The following FGF12 variants were observed in gnomAD, a reference collection of about 807,000 sequenced individuals.
FGF12 encodes the protein fibroblast growth factor 12B.
Under a neutral mutation model 23.6 loss-of-function variants are expected in FGF12, and 14 were observed. The ratio of observed to expected loss-of-function variants is 0.59; its 90% CI spans 0.39 to 0.93. The LOEUF (loss-of-function observed/expected upper bound fraction) is 0.93. Among genes scored for constraint, FGF12 ranks in the 40% least tolerant of loss-of-function variants. The probability of loss-of-function intolerance (pLI) is 0.00; values close to 1 mark genes in which losing one functional copy is unlikely to be tolerated. For missense variants in FGF12, 175 were observed against 217.8 expected (o/e 0.80, Z 1.24); for synonymous variants, 62 against 77.3 (o/e 0.80, Z 1.04).
At chr3:192,489,571 G>A (rs1346646646) in intron 2 of FGF12, among the ~76,000 whole-genome samples, 6 of 152,034 alleles carry the variant, frequency 3.9e-5, no homozygotes, top group East Asian at 1.9e-4. Flanking sequence ...ACCTACTTTC[G>A]GTAATTAGAC....
intron 2 of FGF12, among the ~76,000 whole-genome samples, chr3:192,681,106 T>C (rs1171590459): frequency 1.3e-5 from 2 of 152,204 alleles, no homozygotes; most frequent in Non-Finnish European, 2.9e-5. Context: ...CCTGGCTCAA[T>C]ATAATATAGA....
At chr3:192,570,557 C>T (rs1001088516) in intron 2 of FGF12, among the ~76,000 whole-genome samples, 2 of 152,102 alleles carry the variant, frequency 1.3e-5, no homozygotes, top group African/African-American at 4.8e-5. Flanking sequence ...CTGGAAGTTT[C>T]CCCAAATTTG....
At chr3:192,415,269 G>A (rs2108780642) in intron 2 of FGF12, among the ~76,000 whole-genome samples, 1 of 152,072 alleles carries the variant, frequency 6.6e-6, no homozygotes, top group South Asian at 2.1e-4. Flanking sequence ...CTAACCCAGT[G>A]GCACCTTTTC....
Position 192,573,084 on chromosome 3 carries a change from G to C in FGF12, c.13+154097C>G, listed in dbSNP as rs184527489. ...GTAATGAGCAAAACTTTATACTAAA[G>C]AGTCTCATTCTATATTCAGTGGTCA... On this transcript the variant is annotated intron_variant, in intron 2 of 5. Transcript: ENST00000445105. Among the ~76,000 whole-genome samples the C allele has an allele frequency of 2.0e-5, 3 of 152,238 alleles. No individual in the cohort carries two copies. The East Asian group carries it at 5.8e-4, about 29-fold the overall frequency.
chr3:192,474,365 A>G lies in FGF12; in HGVS notation c.14-113827T>C, dbSNP rs200749276. Among the ~76,000 whole-genome samples, 13 of 152,314 alleles carry G rather than the reference A, an allele frequency of 8.5e-5. No individual in the cohort carries two copies. The East Asian group carries it at 2.5e-3, about 29-fold the overall frequency. ...AGTAATTCTTCTAAGGCTTTTAATC[A>G]TAGGACACTGGCTTCCCAGACCACA... On this transcript the variant is annotated intron_variant, in intron 2 of 5. Coordinates refer to ENST00000445105, the MANE Select transcript of FGF12 (RefSeq NM_004113.6).
chr3:192,569,627 C>T (rs763801443), intron 2 of FGF12, among the ~76,000 whole-genome samples: 6 of 152,162 alleles, frequency 3.9e-5, no homozygotes, highest in Non-Finnish European at 8.8e-5. Context: ...TAAGATTTAT[C>T]GCAGGTAGCC....
At chr3:192,150,908 G>A (rs1259009468) in intron 5 of FGF12, among the ~76,000 whole-genome samples, 3 of 141,662 alleles carry the variant, frequency 2.1e-5, no homozygotes, top group Non-Finnish European at 4.7e-5. Flanking sequence ...ACCTTGGGCA[G>A]TATGGCCATT....
chr3:192,444,885 C>T (rs888290202), intron 2 of FGF12, among the ~76,000 whole-genome samples: 3 of 152,156 alleles, frequency 2.0e-5, no homozygotes, highest in Non-Finnish European at 4.4e-5. Flanking sequence ...AATATCTGTA[C>T]GGTGAATCCG....
At chr3:192,534,360 A>G (rs115777507) in intron 2 of FGF12, among the ~76,000 whole-genome samples, 1 of 152,072 alleles carries the variant, frequency 6.6e-6, no homozygotes, top group African/African-American at 2.4e-5. Context: ...TCATATTTCT[A>G]TCACTTCCAG....
intron 4 of FGF12, among the ~76,000 whole-genome samples, chr3:192,257,190 T>C (rs1712451443): frequency 6.6e-6 from 1 of 152,174 alleles, no homozygotes; most frequent in Non-Finnish European, 1.5e-5. Flanking sequence ...ATTAAATAAG[T>C]ACCTTCCCAT....
chr3:192,725,534 G>A (rs1719184338), intron 2 of FGF12, among the ~76,000 whole-genome samples: 3 of 152,024 alleles, frequency 2.0e-5, no homozygotes, highest in African/African-American at 7.2e-5. Context: ...TAAACCACCT[G>A]GAATGCTAAG....
At chr3:192,395,710 G>A (rs558619230) in intron 2 of FGF12, among the ~76,000 whole-genome samples, 1 of 152,266 alleles carries the variant, frequency 6.6e-6, no homozygotes, top group South Asian at 2.1e-4. Context: ...AACAGTGCAG[G>A]GTATAAAGCC....
chr3:192,339,582 G>A (rs929871951), intron 3 of FGF12, among the ~76,000 whole-genome samples: 1 of 152,040 alleles, frequency 6.6e-6, no homozygotes, highest in East Asian at 1.9e-4. Flanking sequence ...GCTGGAGTTT[G>A]TCCTCTTTTG....
chr3:192,533,802 T>C (rs893199200), intron 2 of FGF12, among the ~76,000 whole-genome samples: 1 of 152,228 alleles, frequency 6.6e-6, no homozygotes, highest in Non-Finnish European at 1.5e-5. Context: ...AGAAAGTCCA[T>C]AGGGAATAGT....
chr3:192,197,891 A>T (rs1717155267), intron 4 of FGF12, among the ~76,000 whole-genome samples: 1 of 139,900 alleles, frequency 7.1e-6, no homozygotes, highest in Non-Finnish European at 1.5e-5. Context: ...GGTTGCAGTG[A>T]GCTGAGATCA....
At chr3:192,687,853 G>A (rs1483903948) in intron 2 of FGF12, among the ~76,000 whole-genome samples, 1 of 152,140 alleles carries the variant, frequency 6.6e-6, no homozygotes, top group East Asian at 1.9e-4. Flanking sequence ...TCATGCATGT[G>A]TACACTGCCA....
chr3:192,531,206 C>T (rs1380180088), intron 2 of FGF12, among the ~76,000 whole-genome samples: 9 of 151,808 alleles, frequency 5.9e-5, no homozygotes, highest in Non-Finnish European at 1.5e-5. Context: ...TTTTTTCTTT[C>T]CTGTTTTCAT....
At chr3:192,530,901 A>C (rs1390346476) in intron 2 of FGF12, among the ~76,000 whole-genome samples, 1 of 151,940 alleles carries the variant, frequency 6.6e-6, no homozygotes, top group African/African-American at 2.4e-5. Flanking sequence ...TGCAACCTTC[A>C]CCTACCGGGT....
intron 2 of FGF12, among the ~76,000 whole-genome samples, chr3:192,638,081 G>C (rs1715649845): frequency 6.6e-6 from 1 of 152,038 alleles, no homozygotes; most frequent in South Asian, 2.1e-4. Flanking sequence ...GGTAAGCCTT[G>C]CCAAAGCTAT....
Sources: allele counts gnomAD v4.1 joint callset (sites outside exome capture counted in the v4.1 genomes callset), GRCh38; gene constraint gnomAD v4.1.1; transcripts MANE v1.5; gene names NCBI Gene and HGNC (gene_info 2026-07-23, HGNC 2026-07-21).